The following VAV2 variants were observed in gnomAD, a reference collection of about 807,000 sequenced individuals.
VAV2 encodes the protein vav guanine nucleotide exchange factor 2, also known as guanine nucleotide exchange factor VAV2.
In VAV2, 67 loss-of-function variants were observed where a neutral mutation model predicts 132.5. The observed-to-expected ratio is 0.51, with a 90% CI of 0.42 to 0.62. VAV2 has a LOEUF of 0.62. Among genes scored for constraint, VAV2 ranks in the 20% least tolerant of loss-of-function variants. The pLI, the probability that VAV2 is intolerant of heterozygous loss-of-function variation, is 0.00. For synonymous variants in VAV2, 492 were observed against 443.5 expected, an observed-to-expected ratio of 1.11 and a Z score of -1.37; for missense variants, 938 against 1,153.6, an observed-to-expected ratio of 0.81 and a Z score of 2.71.
In VAV2 at chr9:133,791,964, A is replaced by G. The variant is rs1197350960; in HGVS notation, c.1102-95T>C. The G allele has an allele frequency of 3.5e-5, 8 of 230,030 alleles. No homozygotes were observed. In the African/African-American group the frequency reaches 6.4e-4, roughly 18 times the overall value. 14.2% of individuals were successfully genotyped at this position (230,030 alleles called of 1,614,324 possible). ...GCTGTACTGGGTGGGGTGTGTGTGCATGTGAGCGGGCTGTGCTGGGTGGGG... is the reference window on the plus strand; with the variant it reads ...GCTGTACTGGGTGGGGTGTGTGTGCGTGTGAGCGGGCTGTGCTGGGTGGGG... On this transcript the variant is annotated intron_variant, in intron 12 of 29. Transcript: ENST00000371850.
chr9:133,846,339 C>T (rs558188717), intron 3 of VAV2, among the ~76,000 whole-genome samples: 1 of 152,314 alleles, frequency 6.6e-6, no homozygotes, highest in African/African-American at 2.4e-5. Flanking sequence ...GCTACCAGCC[C>T]CGCTCACCCT....
chr9:133,968,593 C>T (rs1051946936), intron 1 of VAV2, among the ~76,000 whole-genome samples: 3 of 151,936 alleles, frequency 2.0e-5, no homozygotes, highest in African/African-American at 7.3e-5. Context: ...GACAGAGCTG[C>T]CGGTCCTCTA....
intron 19 of VAV2, among the ~76,000 whole-genome samples, chr9:133,783,203 G>C (rs913827775): frequency 6.6e-6 from 1 of 152,212 alleles, no homozygotes; most frequent in African/African-American, 2.4e-5. Flanking sequence ...GTGTTTGGGG[G>C]TGGAGATTCT....
chr9:133,939,262 A>G, intron 1 of VAV2, 43 bp from the exon 2 acceptor site: 1 of 1,558,874 alleles, frequency 6.4e-7, no homozygotes, highest in Non-Finnish European at 8.9e-7. Flanking sequence ...AAACTTATTA[A>G]AACTGTAAGC....
chr9:133,935,648 C>A lies in VAV2; in HGVS notation c.321+3455G>T, dbSNP rs1462184087. The stretch of plus-strand genomic sequence containing the variant: ...CCAGGAGGCGCTGGCAGAGCAGAAC[C>A]GTCAGGCTCCAGACCGTGGTGAACG... On this transcript the variant is annotated intron_variant, in intron 2 of 29. Coordinates refer to ENST00000371850, the MANE Select transcript of VAV2 (RefSeq NM_001134398.2). The surrounding 1 kb of genome is among the most constrained non-coding windows in gnomAD (Gnocchi z 5.2). Among the ~76,000 whole-genome samples, 1 of 152,200 alleles carries A rather than the reference C, an allele frequency of 6.6e-6. No individual in the cohort carries two copies. The highest frequency in any genetic ancestry group is 2.1e-4 in the South Asian group (1 of 4,828).
chr9:133,926,840 A>T lies in VAV2; in HGVS notation c.321+12263T>A, dbSNP rs1367840342. Among the ~76,000 whole-genome samples, 1 of 152,222 alleles carries T rather than the reference A, an allele frequency of 6.6e-6. No homozygotes were observed. On this transcript the variant is annotated intron_variant, in intron 2 of 29. Coordinates refer to ENST00000371850, the MANE Select transcript of VAV2 (RefSeq NM_001134398.2). The surrounding 1 kb of genome is among the most constrained non-coding windows in gnomAD (Gnocchi z 4.3). ...GCATGTCCTGGCACCAGCTGAGCTA[A>T]GCAGAGCACACAGAAGCAGAGAGGA...
intron 15 of VAV2, among the ~76,000 whole-genome samples, chr9:133,787,795 C>T (rs932110096): frequency 6.6e-6 from 1 of 152,086 alleles, no homozygotes; most frequent in African/African-American, 2.4e-5. Flanking sequence ...ACAGGCCCAC[C>T]TCTGCAGTCC....
chr9:133,784,640 T>C (rs1259178759), intron 17 of VAV2, among the ~76,000 whole-genome samples: 2 of 152,222 alleles, frequency 1.3e-5, no homozygotes, highest in African/African-American at 4.8e-5. Flanking sequence ...ACTGCTGCAC[T>C]GGCCTGAGAG....
chr9:133,822,640 C>T (rs1447110149), intron 4 of VAV2, among the ~76,000 whole-genome samples: 1 of 152,132 alleles, frequency 6.6e-6, no homozygotes, highest in Non-Finnish European at 1.5e-5. Flanking sequence ...TCACCCAGCT[C>T]GCCAAGCCAC....
At chr9:133,880,453 G>T (rs149850329) in intron 2 of VAV2, among the ~76,000 whole-genome samples, 1 of 152,294 alleles carries the variant, frequency 6.6e-6, no homozygotes, top group South Asian at 2.1e-4. Flanking sequence ...GGATCTGACC[G>T]ATGGTTTTAT....
intron 1 of VAV2, among the ~76,000 whole-genome samples, chr9:133,974,300 G>A (rs1230540427): frequency 6.6e-6 from 1 of 152,122 alleles, no homozygotes; most frequent in African/African-American, 2.4e-5. Flanking sequence ...CACAACTCCA[G>A]CTCCCTTGCA....
intron 2 of VAV2, among the ~76,000 whole-genome samples, chr9:133,909,696 G>A (rs1370296518): frequency 6.6e-6 from 1 of 152,172 alleles, no homozygotes; most frequent in Admixed American, 6.5e-5. Context: ...CCTTACAGAA[G>A]ATGGCAGACA....
At chr9:133,915,831 C>T (rs558772365) in intron 2 of VAV2, among the ~76,000 whole-genome samples, 37 of 136,344 alleles carry the variant, frequency 2.7e-4, no homozygotes, top group Admixed American at 1.7e-3. Flanking sequence ...CACACGCACA[C>T]GTGCACACAC....
Position 133,827,179 on chromosome 9 carries a change from G to A in VAV2, c.449+7093C>T, listed in dbSNP as rs537544772. On this transcript the variant is annotated intron_variant, in intron 4 of 29. Coordinates refer to ENST00000371850, the MANE Select transcript of VAV2 (RefSeq NM_001134398.2). Reference sequence around the variant, plus strand: ...AAGCCAATGTGCCACCTACCGCTGCGCCCACTGGGGCTGACCACTGAGCAT... The same window carrying A: ...AAGCCAATGTGCCACCTACCGCTGCACCCACTGGGGCTGACCACTGAGCAT... Among the ~76,000 whole-genome samples the A allele has an allele frequency of 6.2e-4, 94 of 150,536 alleles. 1 individual carries two copies. Among genetic ancestry groups the A allele is most frequent in the South Asian group, 5.1e-3 (24 of 4,752 alleles).
At chr9:133,987,157 A>G (rs1842880105) in intron 1 of VAV2, among the ~76,000 whole-genome samples, 1 of 152,174 alleles carries the variant, frequency 6.6e-6, no homozygotes, top group African/African-American at 2.4e-5. Flanking sequence ...CAGCCACACA[A>G]AGGTGCTCCA....
chr9:133,946,650 G>C (rs557327), intron 1 of VAV2, among the ~76,000 whole-genome samples: 2 of 152,118 alleles, frequency 1.3e-5, no homozygotes, highest in African/African-American at 4.8e-5. Flanking sequence ...GACTCCCTGG[G>C]GCCACAATGC....
intron 1 of VAV2, among the ~76,000 whole-genome samples, chr9:133,949,977 C>T (rs777314692): frequency 1.4e-4 from 21 of 152,230 alleles, no homozygotes; most frequent in Non-Finnish European, 2.1e-4. Flanking sequence ...AGCGCCCAGC[C>T]GGTGAGAACC....
intron 4 of VAV2, among the ~76,000 whole-genome samples, chr9:133,830,185 C>G (rs7048856): frequency 0.15 from 22,085 of 152,108 alleles, 3,412 homozygotes; most frequent in African/African-American, 0.39. Context: ...GGGCAGTCAG[C>G]GGAGTCCTTT....
At chr9:133,902,591 T>C (rs1839486608) in intron 2 of VAV2, among the ~76,000 whole-genome samples, 1 of 152,114 alleles carries the variant, frequency 6.6e-6, no homozygotes, top group Non-Finnish European at 1.5e-5. Flanking sequence ...AAGACACACA[T>C]CTGCTCAAAA....
Sources: allele counts gnomAD v4.1 joint callset (sites outside exome capture counted in the v4.1 genomes callset), GRCh38; gene constraint gnomAD v4.1.1; non-coding constraint Gnocchi (gnomAD v3.1); transcripts MANE v1.5; gene names NCBI Gene and HGNC (gene_info 2026-07-23, HGNC 2026-07-21).